The following PIWIL3 variants were observed in gnomAD, a reference collection of about 807,000 sequenced individuals.
PIWIL3 encodes piwi-like protein 3.
In PIWIL3, 101 loss-of-function variants were observed where a neutral mutation model predicts 109.7. That is an observed-to-expected ratio of 0.92 (90% confidence interval 0.78 to 1.09). The LOEUF (loss-of-function observed/expected upper bound fraction) is 1.09. Among genes scored for constraint, PIWIL3 ranks in the 50% least tolerant of loss-of-function variants. The pLI, the probability that PIWIL3 is intolerant of heterozygous loss-of-function variation, is 0.00. For missense variants in PIWIL3, 1,031 were observed against 1,072.6 expected (o/e 0.96, Z 0.54); for synonymous variants, 373 against 376.4 (o/e 0.99, Z 0.10).
Position 24,748,991 on chromosome 22 carries a change from G to C in PIWIL3, c.1365C>G (p.Leu455=). ...DNKKVRELLQ[L]WDLKFDTNFL... ...AATTGGTATCAAATTTCAAATCCCA[G>C]AGTTGAAGTAACTCTCGTACTTTTT... Residue 455 remains leucine, a synonymous_variant, in exon 12 of 21, where the codon CTC becomes CTG. Transcript: ENST00000616349. 6.2e-7 allele frequency: 1 copy of C among 1,613,402 alleles called. No homozygotes were observed. The highest frequency in any genetic ancestry group is 8.5e-7 in the Non-Finnish European group (1 of 1,179,736).
chr22:24,762,014 G>C, intron 2 of PIWIL3: 1 of 1,001,036 alleles, frequency 1.0e-6, no homozygotes, highest in Non-Finnish European at 1.2e-6. Context: ...AAACAGGGCA[G>C]GCATAACAAG....
At chr22:24,731,005 A>G (rs1006211823) in intron 14 of PIWIL3, among the ~76,000 whole-genome samples, 1 of 152,198 alleles carries the variant, frequency 6.6e-6, no homozygotes, top group Non-Finnish European at 1.5e-5. Context: ...GTTAAGTTAA[A>G]TATTAACAGC....
At chr22:24,760,803 A>AAAAAAAAAAAAAAAAAAAAAAT in intron 2 of PIWIL3, among the ~76,000 whole-genome samples, 1 of 146,870 alleles carries the variant, frequency 6.8e-6, no homozygotes, top group South Asian at 2.3e-4. Context: ...AAAAAAAAAA[A>AAAAAAAAAAAAAAAAAAAAAAT]GCTGTGACAG....
Position 24,762,405 on chromosome 22 carries a change from G to C in PIWIL3, c.95C>G (p.Ser32Ter). 1 of 1,613,464 alleles carries C rather than the reference G, an allele frequency of 6.2e-7. No homozygotes were observed. Among genetic ancestry groups the C allele is most frequent in the Non-Finnish European group, 8.5e-7 (1 of 1,179,748 alleles). ...CAACGTTACAGGGCTCACTGTAGCT[G>C]ATCCAGGTGCTCTGGGTCCCCCAGG... ...EAPGGPRAPG[S>*]ATTQEPPQLQ... Residue 32 changes from serine to a stop codon, truncating the protein, a stop_gained, in exon 2 of 21, where the codon TCA (serine) becomes TGA (stop). Transcript: ENST00000616349. LOFTEE classifies it high-confidence loss of function.
intron 1 of PIWIL3, among the ~76,000 whole-genome samples, chr22:24,766,005 C>T (rs1400351680): frequency 1.3e-5 from 2 of 150,700 alleles, no homozygotes; most frequent in Admixed American, 1.3e-4. Flanking sequence ...TTTTAGTCAA[C>T]TGTAGGTTAT....
chr22:24,761,874 T>A (rs1368853833), intron 2 of PIWIL3: 1 of 829,924 alleles, frequency 1.2e-6, no homozygotes, highest in Non-Finnish European at 1.5e-6. Context: ...GCAGAATAAG[T>A]GGACCTGGAA....
Position 24,748,939 on chromosome 22 carries a change from T to C in PIWIL3, c.1417A>G (p.Lys473Glu), listed in dbSNP as rs771720444. ...CTGCCTTGCACGATGTTTGCGTTTT[T>C]CAAAACTCTTCCCGGGACGGACAAA... ...NFLSVPGRVLKNANIVQGRRM... is the reference protein window; with the variant it reads ...NFLSVPGRVLENANIVQGRRM... The change falls in exon 12 of 21, where the codon AAA (lysine) becomes GAA (glutamate). Residue 473 changes from lysine (K) to glutamate (E), a missense_variant. Lys to Glu is a moderately conservative substitution (Grantham distance 56). Transcript: ENST00000616349. 1 of 1,613,524 alleles carries C rather than the reference T, an allele frequency of 6.2e-7. No homozygotes were observed. Among genetic ancestry groups the C allele is most frequent in the South Asian group, 1.1e-5 (1 of 91,008 alleles).
intron 19 of PIWIL3, among the ~76,000 whole-genome samples, chr22:24,722,295 G>T (rs1377199230): frequency 6.6e-6 from 1 of 152,124 alleles, no homozygotes; most frequent in Admixed American, 6.5e-5. Context: ...TGTTAGCCAG[G>T]ATGGTCTCTA....
At chr22:24,732,962 G>T (rs1381173031) in intron 14 of PIWIL3, among the ~76,000 whole-genome samples, 1 of 152,178 alleles carries the variant, frequency 6.6e-6, no homozygotes, top group Non-Finnish European at 1.5e-5. Flanking sequence ...AGCTTTGCTG[G>T]TTCCCAATGG....
chr22:24,743,348 C>T (rs1924121256), intron 12 of PIWIL3, among the ~76,000 whole-genome samples: 1 of 152,204 alleles, frequency 6.6e-6, no homozygotes, highest in African/African-American at 2.4e-5. Flanking sequence ...TACTAGGTAT[C>T]TGCCCAGAGG....
Position 24,755,862 on chromosome 22 carries a change from T to C in PIWIL3, c.614A>G (p.Lys205Arg). Reference sequence around the variant, plus strand: ...TTCTTTGGAAAACTCAACTGTAATCTTCACGATGTTTTTGTCTTTGGTTGT... The same window carrying C: ...TTCTTTGGAAAACTCAACTGTAATCCTCACGATGTTTTTGTCTTTGGTTGT... ...LSTTKDKNIV[K>R]ITVEFSKELT... is the part of the protein sequence containing the mutation. The change falls in exon 6 of 21, where the codon AAG becomes AGG. Residue 205 changes from lysine (K) to arginine (R), a missense_variant. Lys to Arg is a conservative substitution (Grantham distance 26). Coordinates refer to ENST00000616349, the MANE Select transcript of PIWIL3 (RefSeq NM_001255975.1). 1.2e-6 allele frequency: 2 copies of C among 1,614,022 alleles called. No individual in the cohort carries two copies. The highest frequency in any genetic ancestry group is 1.7e-6 in the Non-Finnish European group (2 of 1,179,938).
In PIWIL3 at chr22:24,748,924, C is replaced by A. The variant is rs774452690; in HGVS notation, c.1432G>T (p.Val478Leu). 1.4e-5 allele frequency: 22 copies of A among 1,611,628 alleles called. No individual in the cohort carries two copies. The highest frequency in any genetic ancestry group is 1.5e-5 in the Non-Finnish European group (18 of 1,178,648). The change falls in exon 12 of 21, where the codon GTG (valine) becomes TTG (leucine). Residue 478 changes from valine to leucine, a missense_variant. Physicochemically the swap from Val to Leu is conservative, Grantham distance 32 (BLOSUM62 1). Coordinates refer to ENST00000616349, the MANE Select transcript of PIWIL3 (RefSeq NM_001255975.1). ...PGRVLKNANIVQGRRMVKANS... is the reference protein window; with the variant it reads ...PGRVLKNANILQGRRMVKANS... Reference sequence around the variant, plus strand: ...TGTCTTACCATTCTTCTGCCTTGCACGATGTTTGCGTTTTTCAAAACTCTT... The same window carrying A: ...TGTCTTACCATTCTTCTGCCTTGCAAGATGTTTGCGTTTTTCAAAACTCTT...
chr22:24,762,238 C>T (rs753728115), intron 2 of PIWIL3, 160 bp downstream of exon 2: 21 of 1,266,046 alleles, frequency 1.7e-5, no homozygotes, highest in Non-Finnish European at 2.2e-5. Context: ...GATAAAGCCT[C>T]CCCATGCTGC....
At chr22:24,741,818 T>C (rs1045935367) in intron 12 of PIWIL3, among the ~76,000 whole-genome samples, 3 of 151,520 alleles carry the variant, frequency 2.0e-5, no homozygotes, top group Non-Finnish European at 4.4e-5. Flanking sequence ...GTTGAAAGCA[T>C]TCCCCCCCAA....
At chr22:24,762,180 G>T in intron 2 of PIWIL3, 1 of 967,108 alleles carries the variant, frequency 1.0e-6, no homozygotes, top group Non-Finnish European at 1.4e-6. Context: ...CAGTCTGCTT[G>T]CACATGTGAA....
At chr22:24,738,277 C>T (rs1923782313) in intron 12 of PIWIL3, among the ~76,000 whole-genome samples, 1 of 152,188 alleles carries the variant, frequency 6.6e-6, no homozygotes, top group African/African-American at 2.4e-5. Context: ...GACTCCAGTC[C>T]CTGACTCCTG....
chr22:24,746,073 G>A (rs540703058), intron 12 of PIWIL3, among the ~76,000 whole-genome samples: 109 of 152,290 alleles, frequency 7.2e-4, no homozygotes, highest in Middle Eastern at 6.8e-3. Context: ...GAAAAATAGA[G>A]GAGGAGGGAA....
intron 12 of PIWIL3, among the ~76,000 whole-genome samples, chr22:24,740,557 AAAAAG>A (rs1258330533): frequency 7.3e-5 from 11 of 151,524 alleles, no homozygotes; most frequent in South Asian, 6.3e-4. Context: ...CAAAAAAAAA[AAAAAG>A]AAAGAAACTG....
At chr22:24,773,762 T>C (rs534839523) in intron 1 of PIWIL3, among the ~76,000 whole-genome samples, 7 of 143,856 alleles carry the variant, frequency 4.9e-5, no homozygotes, top group Non-Finnish European at 1.0e-4. Flanking sequence ...TTGCCCAGGC[T>C]GGAGTACAGT....
Sources: gnomAD v4.1 joint callset for allele counts (sites outside exome capture counted in the v4.1 genomes callset) on GRCh38, gnomAD v4.1.1 for gene constraint, MANE v1.5 for transcripts, NCBI Gene and HGNC (gene_info 2026-07-23, HGNC 2026-07-21) for gene names.